Variants in A1CF observed in about 807,000 individuals in gnomAD.
The protein encoded by A1CF is APOBEC-1 stimulating protein.
In A1CF, 48 loss-of-function variants were observed where a neutral mutation model predicts 68.9. The ratio of observed to expected loss-of-function variants is 0.70; its 90% CI spans 0.55 to 0.89. A1CF has a LOEUF of 0.89. Ranked by LOEUF, A1CF falls within the 40% of genes least tolerant of loss-of-function variation. The pLI is 0.00. For synonymous variants in A1CF, 272 were observed against 260.4 expected, an observed-to-expected ratio of 1.04 and a Z score of -0.43; for missense variants, 653 against 718.9, an observed-to-expected ratio of 0.91 and a Z score of 1.05.
chr10:50,836,032 G>A, intron 6 of A1CF, 42 bp downstream of exon 6: 1 of 1,513,262 alleles, frequency 6.6e-7, no homozygotes, highest in Non-Finnish European at 8.9e-7. Flanking sequence ...AGGCAGGCAG[G>A]ATAGGCAGAG....
intron 3 of A1CF, among the ~76,000 whole-genome samples, chr10:50,858,254 A>T (rs1198418034): frequency 6.6e-6 from 1 of 152,108 alleles, no homozygotes; most frequent in African/African-American, 2.4e-5. Context: ...TAAATGAAGG[A>T]TTTTTATTAC....
intron 5 of A1CF, among the ~76,000 whole-genome samples, chr10:50,836,638 C>A (rs1032526679): frequency 6.6e-6 from 1 of 151,288 alleles, no homozygotes; most frequent in African/African-American, 2.4e-5. Flanking sequence ...GTGCTGCACC[C>A]ATTAACTCGT....
intron 3 of A1CF, among the ~76,000 whole-genome samples, chr10:50,852,620 G>C (rs546703409): frequency 1.6e-4 from 24 of 152,270 alleles, no homozygotes; most frequent in African/African-American, 5.5e-4. Context: ...GCAGGGATGT[G>C]AGCAGGTGGT....
intron 1 of A1CF, among the ~76,000 whole-genome samples, chr10:50,865,787 G>A (rs1840963279): frequency 6.6e-6 from 1 of 152,110 alleles, no homozygotes; most frequent in Non-Finnish European, 1.5e-5. Flanking sequence ...GACAACCTCT[G>A]TAGGTAACCT....
At chr10:50,818,313 C>A (rs777185563) in intron 8 of A1CF, among the ~76,000 whole-genome samples, 3 of 152,080 alleles carry the variant, frequency 2.0e-5, no homozygotes, top group Non-Finnish European at 4.4e-5. Context: ...CTTCATCTAA[C>A]AAATTAAATA....
chr10:50,883,229 G>C (rs565842492), intron 1 of A1CF, among the ~76,000 whole-genome samples: 1 of 152,242 alleles, frequency 6.6e-6, no homozygotes, highest in South Asian at 2.1e-4. Context: ...AAATGAAAAG[G>C]GAAGTGGGGT....
intron 7 of A1CF, among the ~76,000 whole-genome samples, chr10:50,826,460 G>A (rs1011952077): frequency 1.6e-4 from 24 of 152,172 alleles, no homozygotes; most frequent in African/African-American, 5.6e-4. Context: ...AGCCAGGAGA[G>A]AGTGGGGGCC....
intron 1 of A1CF, among the ~76,000 whole-genome samples, chr10:50,865,330 A>G (rs909182093): frequency 6.6e-6 from 1 of 152,008 alleles, no homozygotes; most frequent in Non-Finnish European, 1.5e-5. Flanking sequence ...AAATAAATAC[A>G]ATTAGGATGA....
intron 1 of A1CF, among the ~76,000 whole-genome samples, chr10:50,868,270 A>T (rs575672872): frequency 6.6e-6 from 1 of 152,328 alleles, no homozygotes; most frequent in East Asian, 1.9e-4. Context: ...TTGGTGAAGG[A>T]TTTATGACTG....
rs1225185323 is a variant in A1CF, at chr10:50,841,967, A to C, written c.260T>G (p.Met87Arg). 1 of 1,609,888 alleles carries C rather than the reference A, an allele frequency of 6.2e-7. No homozygotes were observed. The change falls in exon 5 of 13, where the codon ATG becomes AGG. Residue 87 changes from methionine to arginine, a missense_variant. By Grantham distance (91) the Met-to-Arg change is moderately conservative (BLOSUM62 -1). Coordinates refer to ENST00000373997, the MANE Select transcript of A1CF (RefSeq NM_014576.4). ...ATTGTTGCCATTAAAATCCATCATC[A>C]TTCTCATTTCATAAATTTTACCGAT... ...EKIGKIYEMR[M>R]MMDFNGNNRG...
At chr10:50,852,366 G>A (rs971979188) in intron 3 of A1CF, among the ~76,000 whole-genome samples, 4 of 152,138 alleles carry the variant, frequency 2.6e-5, no homozygotes, top group African/African-American at 9.7e-5. Context: ...CCTCCACAAA[G>A]GGATTCACAG....
chr10:50,882,121 A>G (rs1236258229), intron 1 of A1CF, among the ~76,000 whole-genome samples: 1 of 152,184 alleles, frequency 6.6e-6, no homozygotes, highest in African/African-American at 2.4e-5. Context: ...TTATTAAATT[A>G]AAAATTCTAA....
intron 3 of A1CF, among the ~76,000 whole-genome samples, chr10:50,849,165 T>G (rs1406700725): frequency 6.6e-6 from 1 of 152,204 alleles, no homozygotes; most frequent in Non-Finnish European, 1.5e-5. Context: ...TTTGGTCTCT[T>G]CTAAAGTTTT....
chr10:50,843,917 A>G, intron 4 of A1CF, 71 bp downstream of exon 4: 1 of 1,578,864 alleles, frequency 6.3e-7, no homozygotes, highest in South Asian at 1.2e-5. Flanking sequence ...GCTGAGAATG[A>G]AAGCAAAGTG....
chr10:50,845,710 T>C (rs1263674185), intron 3 of A1CF, among the ~76,000 whole-genome samples: 2 of 152,188 alleles, frequency 1.3e-5, no homozygotes, highest in Admixed American at 1.3e-4. Flanking sequence ...TCCCAGCACT[T>C]TGGGAGGCTG....
intron 3 of A1CF, among the ~76,000 whole-genome samples, chr10:50,845,521 T>A (rs2132467115): frequency 6.6e-6 from 1 of 152,340 alleles, no homozygotes; most frequent in South Asian, 2.1e-4. Context: ...ATAAATTAAT[T>A]TGCCAAGGTC....
chr10:50,880,984 C>T (rs1191546033), intron 1 of A1CF, among the ~76,000 whole-genome samples: 1 of 151,136 alleles, frequency 6.6e-6, no homozygotes, highest in Non-Finnish European at 1.5e-5. Context: ...TCACTGTTTT[C>T]ATTTAGACTC....
chr10:50,837,793 C>T (rs1483045280), intron 5 of A1CF, among the ~76,000 whole-genome samples: 3 of 152,020 alleles, frequency 2.0e-5, no homozygotes, highest in Non-Finnish European at 4.4e-5. Context: ...TACCATTGCA[C>T]GCTCTGCAGT....
intron 3 of A1CF, among the ~76,000 whole-genome samples, chr10:50,850,233 T>C (rs1349512129): frequency 1.3e-5 from 2 of 152,236 alleles, no homozygotes; most frequent in African/African-American, 4.8e-5. Flanking sequence ...AGATTGACCA[T>C]TGAAAGTCTA....
Sources: allele counts gnomAD v4.1 joint callset (sites outside exome capture counted in the v4.1 genomes callset), GRCh38; gene constraint gnomAD v4.1.1; transcripts MANE v1.5; gene names NCBI Gene and HGNC (gene_info 2026-07-23, HGNC 2026-07-21).